The following TEKT3 variants were observed in gnomAD, a reference collection of about 807,000 sequenced individuals.
TEKT3 encodes tektin 3.
TEKT3 carries 49 observed loss-of-function variants against 49.8 expected under a neutral mutation model. The observed-to-expected ratio is 0.98, with a 90% CI of 0.78 to 1.25. TEKT3 has a LOEUF of 1.25. TEKT3 is among the 50% of genes most tolerant of loss of function. The pLI is 0.00. For missense variants in TEKT3, 595 were observed against 629.5 expected (o/e 0.95, Z 0.59); for synonymous variants, 225 against 237.2 (o/e 0.95, Z 0.47).
In TEKT3 at chr17:15,315,153, A is replaced by C. The variant is rs143429377; in HGVS notation, c.735-923T>G. ...GTTTCTGGGAGGAGACAGCACATTCAATGAATCGGCAATTTGTGTGGTTCG... is the reference window on the plus strand; with the variant it reads ...GTTTCTGGGAGGAGACAGCACATTCCATGAATCGGCAATTTGTGTGGTTCG... On this transcript the variant is annotated intron_variant, in intron 5 of 8. Coordinates refer to ENST00000395930, the MANE Select transcript of TEKT3 (RefSeq NM_031898.3). Among the ~76,000 whole-genome samples, 519 of 152,330 alleles carry C rather than the reference A, an allele frequency of 3.4e-3. 5 individuals carry two copies. The highest frequency in any genetic ancestry group is 0.011 in the African/African-American group (475 of 41,574).
At chr17:15,311,123 T>C (rs774157491) in intron 7 of TEKT3, 5 of 152,242 alleles carry the variant, frequency 3.3e-5, no homozygotes, top group Non-Finnish European at 5.9e-5. Context: ...TTCTCTGTAA[T>C]GTAAACTTCC....
chr17:15,334,466 G>T (rs950175087), intron 2 of TEKT3, among the ~76,000 whole-genome samples: 1 of 152,150 alleles, frequency 6.6e-6, no homozygotes, highest in African/African-American at 2.4e-5. Flanking sequence ...TTGTTATATA[G>T]GCATCTTGAG....
intron 2 of TEKT3, among the ~76,000 whole-genome samples, chr17:15,337,285 A>G (rs988587193): frequency 6.6e-6 from 1 of 152,090 alleles, no homozygotes; most frequent in African/African-American, 2.4e-5. Flanking sequence ...CTGGAGCAAT[A>G]TCTAAGACTA....
At chr17:15,336,780 T>C (rs996350979) in intron 2 of TEKT3, among the ~76,000 whole-genome samples, 15 of 152,186 alleles carry the variant, frequency 9.9e-5, no homozygotes, top group African/African-American at 3.4e-4. Flanking sequence ...AAAATATGTA[T>C]TGCAAACTTT....
At chr17:15,330,403 C>T (rs1031457693) in intron 3 of TEKT3, among the ~76,000 whole-genome samples, 21 of 152,056 alleles carry the variant, frequency 1.4e-4, no homozygotes, top group African/African-American at 5.1e-4. Context: ...GGGGTAGATC[C>T]TTCATGAATG....
chr17:15,328,969 T>C (rs1381680765), intron 3 of TEKT3, among the ~76,000 whole-genome samples: 1 of 152,202 alleles, frequency 6.6e-6, no homozygotes, highest in Admixed American at 6.5e-5. Context: ...AGTGAATCTC[T>C]AATTGTTTAA....
chr17:15,339,388 G>T (rs1912133267), intron 2 of TEKT3, among the ~76,000 whole-genome samples: 1 of 152,184 alleles, frequency 6.6e-6, no homozygotes, highest in Non-Finnish European at 1.5e-5. Context: ...TTTAAGAAAT[G>T]AGACATGGGC....
intron 7 of TEKT3, 97 bp from the exon 8 acceptor site, chr17:15,308,915 C>A: frequency 6.9e-7 from 1 of 1,446,090 alleles, no homozygotes; most frequent in Admixed American, 1.8e-5. Flanking sequence ...CCAGCACGTG[C>A]CTTGACCTCG....
chr17:15,341,475 G>A (rs945168124), intron 1 of TEKT3, 43 bp downstream of exon 1: 6 of 152,250 alleles, frequency 3.9e-5, no homozygotes, highest in South Asian at 2.1e-4. Flanking sequence ...GGGATCCTTT[G>A]GGGTAGTCCT....
intron 7 of TEKT3, chr17:15,311,529 G>T (rs1255942421): frequency 6.6e-6 from 1 of 152,156 alleles, no homozygotes; most frequent in African/African-American, 2.4e-5. Context: ...CCAAAGAAAT[G>T]ATCAGTGTTT....
chr17:15,308,224 C>G (rs1910620727), intron 8 of TEKT3, among the ~76,000 whole-genome samples: 1 of 152,176 alleles, frequency 6.6e-6, no homozygotes, highest in South Asian at 2.1e-4. Flanking sequence ...TCACAAACTG[C>G]TGCTTATAAG....
Position 15,331,043 on chromosome 17 carries a change from C to A in TEKT3, c.543G>T (p.Leu181=), listed in dbSNP as rs536627226. The change falls in exon 3 of 9, where the codon CTG becomes CTT. Residue 181 remains leucine (L), a synonymous_variant. Coordinates refer to ENST00000395930, the MANE Select transcript of TEKT3 (RefSeq NM_031898.3). ...TNALTDVKKR[L]ERALMETEAP... Reference sequence around the variant, plus strand: ...CTTCAGTCTCCATCAAAGCCCGCTCCAGTCTTTTCTTCACATCAGTAAGTG... The same window carrying A: ...CTTCAGTCTCCATCAAAGCCCGCTCAAGTCTTTTCTTCACATCAGTAAGTG... 159 of 1,613,770 alleles carry A rather than the reference C, an allele frequency of 9.9e-5. No homozygotes were observed. In the East Asian group the frequency reaches 3.4e-3, roughly 34 times the overall value.
At chr17:15,331,685 G>T in intron 2 of TEKT3, 71 bp from the exon 3 acceptor site, 1 of 1,192,164 alleles carries the variant, frequency 8.4e-7, no homozygotes, top group Non-Finnish European at 1.2e-6. Context: ...CAGATAAAAG[G>T]CCACATCTGA....
chr17:15,327,896 T>A, intron 4 of TEKT3, 96 bp downstream of exon 4: 1 of 1,046,174 alleles, frequency 9.6e-7, no homozygotes, highest in African/African-American at 1.6e-5. Context: ...GCTTTACTTA[T>A]AAGTCATTTT....
chr17:15,342,602 G>C (rs1278303033), upstream of TEKT3, among the ~76,000 whole-genome samples: 1 of 152,128 alleles, frequency 6.6e-6, no homozygotes, highest in Non-Finnish European at 1.5e-5. Context: ...CAGACTCTTG[G>C]TTATGCCAGT....
chr17:15,314,131 T>G lies in TEKT3; in HGVS notation c.834A>C (p.Ser278=). 1 of 1,614,238 alleles carries G rather than the reference T, an allele frequency of 6.2e-7. No homozygotes were observed. Among genetic ancestry groups the G allele is most frequent in the East Asian group, 2.2e-5 (1 of 44,872 alleles). ...CTCCGCGGAAGTAGCCGACACCGTCTGATGTGTTGCGCAGGTGGTGGCATT... is the reference window on the plus strand; with the variant it reads ...CTCCGCGGAAGTAGCCGACACCGTCGGATGTGTTGCGCAGGTGGTGGCATT... The part of the protein sequence containing the change: ...DDKCHHLRNT[S]DGVGYFRGVE... The change falls in exon 6 of 9, where the codon TCA becomes TCC. Residue 278 remains serine (S), a synonymous_variant. Coordinates refer to ENST00000395930, the MANE Select transcript of TEKT3 (RefSeq NM_031898.3).
chr17:15,328,315 C>A (rs1364194940), intron 3 of TEKT3, among the ~76,000 whole-genome samples: 1 of 152,156 alleles, frequency 6.6e-6, no homozygotes, highest in Non-Finnish European at 1.5e-5. Context: ...GGAAAGTTGA[C>A]AAAATGAAGT....
intron 7 of TEKT3, among the ~76,000 whole-genome samples, chr17:15,309,955 G>A (rs1156400188): frequency 6.6e-6 from 1 of 152,092 alleles, no homozygotes; most frequent in Non-Finnish European, 1.5e-5. Flanking sequence ...TGATGTCTCT[G>A]CAATATCCTT....
At chr17:15,311,458 T>C (rs1910767112) in intron 7 of TEKT3, 1 of 152,204 alleles carries the variant, frequency 6.6e-6, no homozygotes, top group South Asian at 2.1e-4. Flanking sequence ...GTTTTTACTA[T>C]AGGTAACAAT....
Sources: allele counts gnomAD v4.1 joint callset (sites outside exome capture counted in the v4.1 genomes callset), GRCh38; gene constraint gnomAD v4.1.1; transcripts MANE v1.5; gene names NCBI Gene and HGNC (gene_info 2026-07-23, HGNC 2026-07-21).